The following TAF11L13 variants were observed in gnomAD, a reference collection of about 807,000 sequenced individuals.
The protein encoded by TAF11L13 is TATA-box binding protein associated factor 11 like 13.
chr5:17,632,451 A>T (rs970289872), exon 1 of TAF11L13: 4 of 398,522 alleles, frequency 1.0e-5, no homozygotes, highest in East Asian at 3.6e-5. Context: ...AAGAGCACGC[A>T]TTGCGGGTCT....
At chr5:17,632,486 G>C (rs1334469305) in exon 1 of TAF11L13, 2 of 398,452 alleles carry the variant, frequency 5.0e-6, no homozygotes, top group Admixed American at 4.4e-5. Context: ...CTGGCAGTTC[G>C]GTGTCTGAGA....
chr5:17,632,588 G>A (rs919348251), exon 1 of TAF11L13: 5 of 398,292 alleles, frequency 1.3e-5, no homozygotes, highest in Admixed American at 4.4e-5. Flanking sequence ...GGGGAGAGAC[G>A]CCCCCGCTGC....
Position 17,632,202 on chromosome 5 carries a change from C to A in TAF11L13, c.115C>A (p.Pro39Thr). The change falls in exon 1 of 1, where the codon CCC (proline) becomes ACC (threonine). Residue 39 changes from proline to threonine, a missense_variant. Pro to Thr is a conservative substitution (Grantham distance 38, BLOSUM62 -1). Transcript: ENST00000639073. ...GGACCTAGATGGGAACTTGGAAGAA[C>A]CCAGGGATCAGGAAGGTGAGCTCAG... 3 of 398,040 alleles carry A rather than the reference C, an allele frequency of 7.5e-6. No individual in the cohort carries two copies. In the South Asian group the frequency reaches 3.8e-4, roughly 51 times the overall value. 24.7% of individuals were successfully genotyped at this position (398,040 alleles called of 1,614,324 possible).
chr5:17,632,522 A>T lies in TAF11L13; in HGVS notation c.435A>T (p.Ile145=), dbSNP rs1277696391. ...ACGCGGCCATTGCCATGGCTGGAAT[A>T]GCCAAGGTCTTTGTTGGAGAGGTGG... Residue 145 remains isoleucine, a synonymous_variant, in exon 1 of 1, where the codon ATA becomes ATT. Coordinates refer to ENST00000639073, the Ensembl canonical transcript of TAF11L13. 2.0e-5 allele frequency: 8 copies of T among 398,444 alleles called. No individual in the cohort carries two copies. In the Admixed American group the frequency reaches 3.1e-4, roughly 15 times the overall value. 24.7% of individuals were successfully genotyped at this position (398,444 alleles called of 1,614,324 possible). A position where few individuals can be genotyped will look rare whatever the true frequency, so the allele number is the denominator to read the frequency against.
the TAF11L13 span, chr5:17,632,611 T>G: frequency 2.5e-6 from 1 of 398,390 alleles, no homozygotes; most frequent in Non-Finnish European, 4.4e-6. Flanking sequence ...CCCAAGCATT[T>G]AAGGGAGGCT....
At chr5:17,632,369 G>A in exon 1 of TAF11L13, 2 of 398,380 alleles carry the variant, frequency 5.0e-6, no homozygotes, top group Non-Finnish European at 8.9e-6. Context: ...CTCAGAGGAT[G>A]ACAACCCTGC....
exon 1 of TAF11L13, chr5:17,632,267 GGCCTCA>G (rs1340667864): frequency 2.5e-6 from 1 of 397,746 alleles, no homozygotes; most frequent in African/African-American, 2.1e-5. Flanking sequence ...GTGACAGTGA[GGCCTCA>G]GCCTCAGCTC....
At chr5:17,632,541 G>C (rs1739712375) in exon 1 of TAF11L13, 6 of 398,516 alleles carry the variant, frequency 1.5e-5, no homozygotes, top group African/African-American at 2.1e-5. Flanking sequence ...CTTTGTTGGA[G>C]AGGTGGTGGA....
rs529999307 is a variant in TAF11L13 at position 17,632,130 on chromosome 5, G to T, written c.43G>T (p.Ala15Ser). 5.3e-3 allele frequency: 2,086 copies of T among 397,202 alleles called. 66 individuals are homozygous for T. The highest frequency in any genetic ancestry group is 0.038 in the African/African-American group (1,849 of 48,108). 24.6% of individuals were successfully genotyped at this position (397,202 alleles called of 1,614,324 possible). A position where few individuals can be genotyped will look rare whatever the true frequency, so the allele number is the denominator to read the frequency against. Residue 15 changes from alanine to serine, a missense_variant, in exon 1 of 1, where the codon GCC (alanine) becomes TCC (serine). Physicochemically the swap from Ala to Ser is moderately conservative, Grantham distance 99. Coordinates refer to ENST00000639073, the Ensembl canonical transcript of TAF11L13. Reference sequence around the variant, plus strand: ...AACAGGCGTGTCTGCTGAGATGCTCGCCATGCCCCGAGGTCTGAAGGGCAG... The same window carrying T: ...AACAGGCGTGTCTGCTGAGATGCTCTCCATGCCCCGAGGTCTGAAGGGCAG...
At chr5:17,632,600 G>T (rs536568268) in exon 1 of TAF11L13, 3 of 398,470 alleles carry the variant, frequency 7.5e-6, no homozygotes, top group African/African-American at 2.1e-5. Flanking sequence ...CCCCGCTGCA[G>T]CCCAAGCATT....
At chr5:17,632,378 G>T in exon 1 of TAF11L13, 1 of 398,400 alleles carries the variant, frequency 2.5e-6, no homozygotes. Context: ...TGACAACCCT[G>T]CTGTCTGCCA....
exon 1 of TAF11L13, chr5:17,632,518 G>A (rs1174984145): frequency 2.5e-6 from 1 of 398,452 alleles, no homozygotes; most frequent in Non-Finnish European, 4.4e-6. Context: ...GCCATGGCTG[G>A]AATAGCCAAG....
chr5:17,632,594 G>A (rs1233270927), exon 1 of TAF11L13: 5 of 398,322 alleles, frequency 1.3e-5, no homozygotes, highest in South Asian at 1.3e-4. Context: ...AGACGCCCCC[G>A]CTGCAGCCCA....
At chr5:17,632,513 G>C (rs1393636814) in exon 1 of TAF11L13, 1 of 398,462 alleles carries the variant, frequency 2.5e-6, no homozygotes, top group Non-Finnish European at 4.4e-6. Context: ...CCATTGCCAT[G>C]GCTGGAATAG....
exon 1 of TAF11L13, chr5:17,632,448 C>T (rs1215418381): frequency 5.0e-6 from 2 of 398,474 alleles, no homozygotes; most frequent in African/African-American, 2.1e-5. Context: ...CCCAAGAGCA[C>T]GCATTGCGGG....
exon 1 of TAF11L13, chr5:17,632,111 C>T (rs200188304): frequency 0.017 from 6,931 of 396,516 alleles, 228 homozygotes; most frequent in African/African-American, 0.044. Context: ...GGCAAACAGG[C>T]GTGTCTGCTG....
rs1454442073 is a variant in TAF11L13 at position 17,632,515 on chromosome 5, C to G, written c.428C>G (p.Ala143Gly). The G allele has an allele frequency of 1.5e-5, 6 of 398,436 alleles. 1 individual carries two copies. Among genetic ancestry groups the G allele is most frequent in the Non-Finnish European group, 2.7e-5 (6 of 225,882 alleles). 24.7% of individuals were successfully genotyped at this position (398,436 alleles called of 1,614,324 possible). Reference sequence around the variant, plus strand: ...TCTGAGAACGCGGCCATTGCCATGGCTGGAATAGCCAAGGTCTTTGTTGGA... The same window carrying G: ...TCTGAGAACGCGGCCATTGCCATGGGTGGAATAGCCAAGGTCTTTGTTGGA... Residue 143 changes from alanine to glycine, a missense_variant, in exon 1 of 1, where the codon GCT becomes GGT. By Grantham distance (60) the Ala-to-Gly change is moderately conservative (BLOSUM62 0). Coordinates refer to ENST00000639073, the Ensembl canonical transcript of TAF11L13.
chr5:17,632,276 C>T (rs915724167), exon 1 of TAF11L13: 1 of 397,858 alleles, frequency 2.5e-6, no homozygotes. Flanking sequence ...AGGCCTCAGC[C>T]TCAGCTCCTC....
rs1165616922 is a variant in TAF11L13, at chr5:17,632,670, A to C, written c.583A>C (p.Arg195=). 1.8e-5 allele frequency: 7 copies of C among 398,484 alleles called. 1 individual carries two copies. The highest frequency in any genetic ancestry group is 3.1e-5 in the Non-Finnish European group (7 of 225,862). 24.7% of individuals were successfully genotyped at this position (398,484 alleles called of 1,614,324 possible). A position where few individuals can be genotyped will look rare whatever the true frequency, so the allele number is the denominator to read the frequency against. The change falls in exon 1 of 1, where the codon AGA becomes CGA. Residue 195 remains arginine (R), a synonymous_variant. Transcript: ENST00000639073. ...CCTCTTCCCCAACAGCAACTACAAAAGAGTCATGTTCTAGGCCCAAGGCCA... is the reference window on the plus strand; with the variant it reads ...CCTCTTCCCCAACAGCAACTACAAACGAGTCATGTTCTAGGCCCAAGGCCA...
Sources: allele counts gnomAD v4.1 joint callset, GRCh38; gene constraint gnomAD v4.1.1; transcripts MANE v1.5; gene names NCBI Gene and HGNC (gene_info 2026-07-23, HGNC 2026-07-21).